HNRNPA3: variants seen among roughly 807,000 people sequenced by gnomAD.
HNRNPA3 encodes the protein heterogeneous nuclear ribonucleoprotein A3.
In HNRNPA3, 3 loss-of-function variants were observed where a neutral mutation model predicts 45.8. The observed-to-expected ratio is 0.07, with a 90% CI of 0.03 to 0.17. HNRNPA3 has a LOEUF of 0.17. Ranked by LOEUF, HNRNPA3 falls within the 10% of genes least tolerant of loss-of-function variation. The pLI is 1.00. For synonymous variants in HNRNPA3, 170 were observed against 155.6 expected (o/e 1.09, Z -0.69); for missense variants, 183 against 480.3 (o/e 0.38, Z 5.79).
At chr2:177,217,680 G>A (rs769413899) in intron 7 of HNRNPA3, 25 bp from the exon 8 acceptor site, 17 of 1,611,880 alleles carry the variant, frequency 1.1e-5, no homozygotes, top group Non-Finnish European at 1.4e-5. Flanking sequence ...TTTTTGTGTG[G>A]TCTTGTTATT....
rs201489997 is a variant in HNRNPA3 at position 177,215,528 on chromosome 2, C to G, written c.73-11C>G. The G allele has an allele frequency of 1.2e-6, 2 of 1,613,752 alleles. No individual in the cohort carries two copies. Among genetic ancestry groups the G allele is most frequent in the East Asian group, 2.2e-5 (1 of 44,886 alleles). On this transcript the variant is annotated splice_polypyrimidine_tract_variant and intron_variant, in intron 1 of 10. Coordinates refer to ENST00000392524, the Ensembl canonical transcript of HNRNPA3. ...GTAAGGTAACTTAAGAGTATTGGTT[C>G]TTTCTCTCAGGGCCATGATCCAAAG...
At chr2:177,217,283 CTAT>C (rs1688982565) in intron 7 of HNRNPA3, among the ~76,000 whole-genome samples, 1 of 151,780 alleles carries the variant, frequency 6.6e-6, no homozygotes, top group Non-Finnish European at 1.5e-5. Context: ...ACTTGATACT[CTAT>C]TATTATTAGG....
chr2:177,219,876 C>T (rs2105437609), exon 11 of HNRNPA3: 1 of 152,712 alleles, frequency 6.5e-6, no homozygotes, highest in African/African-American at 2.4e-5. Context: ...TAAAGAAGAT[C>T]ATTGTTAATT....
intron 1 of HNRNPA3, among the ~76,000 whole-genome samples, chr2:177,213,282 C>T (rs1382171342): frequency 6.6e-6 from 1 of 152,166 alleles, no homozygotes; most frequent in East Asian, 1.9e-4. Context: ...GATCCGCCGC[C>T]GCGTTACGAA....
chr2:177,223,544 A>G (rs1179799875), downstream of HNRNPA3: 3 of 152,338 alleles, frequency 2.0e-5, no homozygotes, highest in East Asian at 1.9e-4. Flanking sequence ...GTAATAAAGT[A>G]TATTTGTTAA....
intron 1 of HNRNPA3, 123 bp downstream of exon 1, chr2:177,212,994 T>TGGGAGG: frequency 1.7e-6 from 1 of 581,366 alleles, no homozygotes; most frequent in Non-Finnish European, 2.8e-6. Flanking sequence ...AGACAGGCTG[T>TGGGAGG]GGGAGGGGGA....
At chr2:177,221,002 C>T (rs761453369), downstream of HNRNPA3, 1 of 152,506 alleles carries the variant, frequency 6.6e-6, no homozygotes, top group Non-Finnish European at 1.5e-5. Context: ...ATGGGGTGTG[C>T]TAGTGTTTGA....
downstream of HNRNPA3, chr2:177,220,949 T>C (rs1185071445): frequency 6.6e-6 from 1 of 152,606 alleles, no homozygotes; most frequent in African/African-American, 2.4e-5. Context: ...ATTCAAGTCT[T>C]TTGTTTTAAG....
intron 4 of HNRNPA3, 115 bp downstream of exon 4, chr2:177,216,303 G>T: frequency 2.6e-6 from 2 of 771,108 alleles, no homozygotes; most frequent in Non-Finnish European, 4.1e-6. Flanking sequence ...ATAGTGTATA[G>T]TCAATTTTCA....
intron 7 of HNRNPA3, 104 bp from the exon 8 acceptor site, chr2:177,217,601 C>T (rs546117845): frequency 6.1e-5 from 86 of 1,415,770 alleles, no homozygotes; most frequent in East Asian, 9.2e-5. Flanking sequence ...TACTTGAGCC[C>T]GGGCAACAGA....
intron 7 of HNRNPA3, 83 bp downstream of exon 7, chr2:177,217,023 A>G: frequency 1.1e-5 from 14 of 1,313,624 alleles, no homozygotes; most frequent in Middle Eastern, 2.8e-4. Flanking sequence ...TTCTAATTTT[A>G]GTTAAAACTT....
At chr2:177,214,180 A>G (rs1195559259) in intron 1 of HNRNPA3, among the ~76,000 whole-genome samples, 1 of 152,264 alleles carries the variant, frequency 6.6e-6, no homozygotes, top group Non-Finnish European at 1.5e-5. Context: ...ATTTCAAGAC[A>G]TCTTAATTCT....
chr2:177,215,477 T>G lies in HNRNPA3; in HGVS notation c.73-62T>G, dbSNP rs551749825. On this transcript the variant is annotated intron_variant, in intron 1 of 10. Transcript: ENST00000392524. Reference sequence around the variant, plus strand: ...TTATTACTTACCGTACATTAAAGGCTCTTCGTGCATCTTAATTCATCTACT... The same window carrying G: ...TTATTACTTACCGTACATTAAAGGCGCTTCGTGCATCTTAATTCATCTACT... 32 of 1,509,250 alleles carry G rather than the reference T, an allele frequency of 2.1e-5. No homozygotes were observed. In the East Asian group the frequency reaches 6.5e-4, roughly 31 times the overall value. 93.5% of individuals were successfully genotyped at this position (1,509,250 alleles called of 1,614,324 possible).
chr2:177,217,161 A>ATTATAT (rs2105431992), intron 7 of HNRNPA3, among the ~76,000 whole-genome samples: 1 of 152,292 alleles, frequency 6.6e-6, no homozygotes, highest in African/African-American at 2.4e-5. Context: ...TTGTTCTATT[A>ATTATAT]AGTCTGAGAC....
intron 10 of HNRNPA3, 46 bp from the exon 11 acceptor site, chr2:177,219,362 C>T (rs1689094090): frequency 1.5e-6 from 2 of 1,349,388 alleles, no homozygotes; most frequent in South Asian, 1.2e-5. Flanking sequence ...ATATGTGGAA[C>T]TGTTCACTGA....
chr2:177,216,607 A>T lies in HNRNPA3; in HGVS notation c.643+15A>T. On this transcript the variant is annotated intron_variant, in intron 5 of 10. Transcript: ENST00000392524. The stretch of plus-strand genomic sequence containing the variant: ...ATCACAGAGAGGTGAGTAGGACCAT[A>T]CACATGTATACAGTGGATATGAGTG... The T allele has an allele frequency of 6.2e-7, 1 of 1,612,042 alleles. No individual in the cohort carries two copies.
chr2:177,223,060 TTACTTAAAAAAAAAAATCCTTTGGAGACA>T (rs1251407750), downstream of HNRNPA3: 3 of 152,522 alleles, frequency 2.0e-5, no homozygotes, highest in East Asian at 5.8e-4. Flanking sequence ...GTCGGATAGT[TTACTTAAAAAAAAAAATCCTTTGGAGACA>T]TACTGAAAAT....
chr2:177,213,335 C>T (rs990148518), intron 1 of HNRNPA3, among the ~76,000 whole-genome samples: 2 of 152,174 alleles, frequency 1.3e-5, no homozygotes, highest in African/African-American at 4.8e-5. Flanking sequence ...GCTCTGCCGC[C>T]GGGAAAGCGA....
chr2:177,216,828 ATTAT>A, intron 6 of HNRNPA3, 28 bp from the exon 7 acceptor site: 9 of 1,612,818 alleles, frequency 5.6e-6, no homozygotes, highest in Non-Finnish European at 6.8e-6. Context: ...AGTTGAATAT[ATTAT>A]TTTAATTCAT....
Sources: allele counts gnomAD v4.1 joint callset (sites outside exome capture counted in the v4.1 genomes callset), GRCh38; gene constraint gnomAD v4.1.1; transcripts MANE v1.5; gene names NCBI Gene and HGNC (gene_info 2026-07-23, HGNC 2026-07-21).